Variants in RBM20 observed in about 807,000 individuals in gnomAD.
The protein encoded by RBM20 is RNA-binding protein 20.
A neutral mutation model predicts 110.1 loss-of-function variants in RBM20; 51 were observed. That is an observed-to-expected ratio of 0.46 (90% confidence interval 0.37 to 0.59). The LOEUF (loss-of-function observed/expected upper bound fraction) is 0.59. RBM20 is among the 20% of genes least tolerant of loss of function. The pLI, the probability that RBM20 is intolerant of heterozygous loss-of-function variation, is 0.00. For missense variants in RBM20, 1,512 were observed against 1,574.9 expected, an observed-to-expected ratio of 0.96 and a Z score of 0.68; for synonymous variants, 589 against 618.2, an observed-to-expected ratio of 0.95 and a Z score of 0.70.
chr10:110,727,883 T>C (rs769973793), intron 1 of RBM20, among the ~76,000 whole-genome samples: 8 of 152,204 alleles, frequency 5.3e-5, no homozygotes, highest in Non-Finnish European at 1.0e-4. Flanking sequence ...CTCCCACTTA[T>C]GAGTGAGAAC....
chr10:110,722,103 T>G (rs189024347), intron 1 of RBM20, among the ~76,000 whole-genome samples: 50 of 152,318 alleles, frequency 3.3e-4, no homozygotes, highest in African/African-American at 1.1e-3. Context: ...AATCATGATT[T>G]CTTTTGATGC....
intron 7 of RBM20, among the ~76,000 whole-genome samples, chr10:110,803,518 T>C (rs571247970): frequency 6.6e-6 from 1 of 152,286 alleles, no homozygotes; most frequent in African/African-American, 2.4e-5. Flanking sequence ...TGCGTATTTC[T>C]AACGAGGTCC....
intron 1 of RBM20, among the ~76,000 whole-genome samples, chr10:110,773,104 C>T (rs1844215135): frequency 6.6e-6 from 1 of 152,188 alleles, no homozygotes; most frequent in Non-Finnish European, 1.5e-5. Context: ...CACTCCATTG[C>T]GCTATTCTCA....
chr10:110,830,162 G>A (rs1297769004), intron 12 of RBM20, among the ~76,000 whole-genome samples: 2 of 152,218 alleles, frequency 1.3e-5, no homozygotes, highest in Non-Finnish European at 2.9e-5. Context: ...CCCTCTCAGA[G>A]CTGGGCTCTT....
At chr10:110,687,289 G>C (rs1343279999) in intron 1 of RBM20, among the ~76,000 whole-genome samples, 1 of 150,626 alleles carries the variant, frequency 6.6e-6, no homozygotes, top group Non-Finnish European at 1.5e-5. Context: ...CTAACTAGAG[G>C]GTTAACATTT....
chr10:110,694,264 A>G (rs1171657033), intron 1 of RBM20, among the ~76,000 whole-genome samples: 1 of 152,250 alleles, frequency 6.6e-6, no homozygotes, highest in African/African-American at 2.4e-5. Flanking sequence ...GAATGAAACC[A>G]AAGCCAAAAG....
intron 1 of RBM20, among the ~76,000 whole-genome samples, chr10:110,761,619 A>T (rs1844005121): frequency 6.6e-6 from 1 of 152,128 alleles, no homozygotes; most frequent in African/African-American, 2.4e-5. Flanking sequence ...TATTCACTGG[A>T]TCTCAGTCTT....
chr10:110,644,453 G>A lies in RBM20; in HGVS notation c.-2G>A. On this transcript the variant is annotated 5_prime_UTR_variant, in exon 1 of 14. Coordinates refer to ENST00000369519, the MANE Select transcript of RBM20 (RefSeq NM_001134363.3). This position sits in a 1 kb window ranked among gnomAD's most constrained non-coding sequence, Gnocchi z 4.3. ...CGCGATCCCGGGCGGGTCTCGCCCC[G>A]CATGGTGCTGGCAGCAGCCATGAGC... 2.0e-6 allele frequency: 3 copies of A among 1,486,822 alleles called. No homozygotes were observed. The highest frequency in any genetic ancestry group is 2.8e-5 in the East Asian group (1 of 35,482). The allele number at this position is 1,486,822 out of a possible 1,614,324, so 92.1% of individuals were successfully genotyped here.
intron 1 of RBM20, among the ~76,000 whole-genome samples, chr10:110,674,625 T>G (rs1247159802): frequency 1.3e-5 from 2 of 152,234 alleles, no homozygotes; most frequent in Non-Finnish European, 2.9e-5. Flanking sequence ...TAATTTGAAT[T>G]GCATCAGGAA....
At chr10:110,814,589 A>C (rs1844815953) in intron 9 of RBM20, among the ~76,000 whole-genome samples, 1 of 151,942 alleles carries the variant, frequency 6.6e-6, no homozygotes, top group Admixed American at 6.6e-5. Flanking sequence ...TCTGCCTCCT[A>C]GGTTCAAGCA....
At chr10:110,795,962 C>T (rs1439933242) in intron 5 of RBM20, among the ~76,000 whole-genome samples, 4 of 152,214 alleles carry the variant, frequency 2.6e-5, no homozygotes, top group African/African-American at 9.6e-5. Flanking sequence ...AATAGCTCCT[C>T]TTTTATTTGT....
At chr10:110,803,747 T>A (rs1844659929) in intron 7 of RBM20, among the ~76,000 whole-genome samples, 1 of 133,296 alleles carries the variant, frequency 7.5e-6, no homozygotes, top group South Asian at 2.3e-4. Flanking sequence ...TATGTTGATA[T>A]GAATCAGCTG....
intron 1 of RBM20, among the ~76,000 whole-genome samples, chr10:110,696,572 A>G (rs1045321347): frequency 6.6e-6 from 1 of 152,122 alleles, no homozygotes; most frequent in African/African-American, 2.4e-5. Flanking sequence ...GAAGGTGGGG[A>G]TGAAGTGGCA....
At chr10:110,759,183 A>G (rs572875785) in intron 1 of RBM20, among the ~76,000 whole-genome samples, 20 of 152,316 alleles carry the variant, frequency 1.3e-4, no homozygotes, top group African/African-American at 4.6e-4. Context: ...CTGGGAACGA[A>G]TCCTGCCTTT....
intron 9 of RBM20, among the ~76,000 whole-genome samples, chr10:110,816,304 C>A (rs564776625): frequency 3.4e-3 from 467 of 136,952 alleles, no homozygotes; most frequent in African/African-American, 0.011. Flanking sequence ...CCCCACCCAA[C>A]CCCCTCACCT....
intron 1 of RBM20, among the ~76,000 whole-genome samples, chr10:110,752,940 TATA>T (rs1207344837): frequency 0.11 from 9,511 of 86,104 alleles, 488 homozygotes; most frequent in Non-Finnish European, 0.15. Context: ...TATATATATA[TATA>T]TATTTTTTTT....
At chr10:110,719,372 A>G (rs1010115018) in intron 1 of RBM20, among the ~76,000 whole-genome samples, 2 of 152,194 alleles carry the variant, frequency 1.3e-5, no homozygotes, top group African/African-American at 4.8e-5. Flanking sequence ...CCTTCCATTA[A>G]TTGATACTCA....
Position 110,731,375 on chromosome 10 carries a change from G to C in RBM20, c.192-49426G>C, listed in dbSNP as rs1843619730. 4.6e-5 allele frequency among the ~76,000 whole-genome samples: 7 copies of C among 152,310 alleles called. No homozygotes were observed. In the South Asian group the frequency reaches 1.5e-3, roughly 32 times the overall value. ...TTTGGTTCCTTGGTAAACAATAAAA[G>C]AATGGACTCAATGAAGAGAGAAGCT... On this transcript the variant is annotated intron_variant, in intron 1 of 13. Coordinates refer to ENST00000369519, the MANE Select transcript of RBM20 (RefSeq NM_001134363.3).
At chr10:110,660,739 C>T (rs1002928386) in intron 1 of RBM20, among the ~76,000 whole-genome samples, 2 of 151,698 alleles carry the variant, frequency 1.3e-5, no homozygotes, top group Non-Finnish European at 2.9e-5. Flanking sequence ...AAGCTCAGGG[C>T]TCCCACTGAT....
Sources: gnomAD v4.1 joint callset for allele counts (sites outside exome capture counted in the v4.1 genomes callset) on GRCh38, gnomAD v4.1.1 for gene constraint, Gnocchi (gnomAD v3.1) non-coding constraint, MANE v1.5 for transcripts, NCBI Gene and HGNC (gene_info 2026-07-23, HGNC 2026-07-21) for gene names.